Variants in SPG7 observed in about 807,000 individuals in gnomAD.
SPG7 encodes SPG7 matrix AAA peptidase subunit, paraplegin.
Under a neutral mutation model 81.9 loss-of-function variants are expected in SPG7, and 103 were observed. The ratio of observed to expected loss-of-function variants is 1.26; its 90% CI spans 1.07 to 1.48. SPG7 has a LOEUF of 1.48. Among genes scored for constraint, SPG7 ranks in the 40% most tolerant of loss-of-function variants. SPG7 has a pLI of 0.00. For missense variants in SPG7, 1,241 were observed against 1,087.3 expected (o/e 1.14, Z -1.99); for synonymous variants, 534 against 444.2 (o/e 1.20, Z -2.54).
intron 12 of SPG7, chr16:89,549,119 C>T (rs2058603439): frequency 2.2e-6 from 1 of 456,490 alleles, no homozygotes; most frequent in Admixed American, 2.3e-5. Flanking sequence ...CTGTGTCTTA[C>T]TGAAATTTAT....
At chr16:89,542,970 C>G (rs559470849) in intron 9 of SPG7, 1 of 102,210 alleles carries the variant, frequency 9.8e-6, no homozygotes, top group Non-Finnish European at 1.8e-5. Flanking sequence ...TTTTTTGAGA[C>G]GGAGTCTTGC....
chr16:89,540,813 G>A (rs1288749305), intron 9 of SPG7: 1 of 844,420 alleles, frequency 1.2e-6, no homozygotes, highest in East Asian at 1.2e-4. Context: ...CTCATCCCAG[G>A]AAAGCAAAGA....
At chr16:89,511,300 T>C (rs2058018888) in intron 2 of SPG7, among the ~76,000 whole-genome samples, 1 of 152,178 alleles carries the variant, frequency 6.6e-6, no homozygotes, top group Non-Finnish European at 1.5e-5. Flanking sequence ...ACCCTGCAAA[T>C]AATTTGCTCT....
At chr16:89,544,418 G>A in intron 9 of SPG7, 1 of 525,024 alleles carries the variant, frequency 1.9e-6, no homozygotes, top group Non-Finnish European at 3.5e-6. Context: ...GCCTTGGACA[G>A]TTCTGCTGTT....
chr16:89,550,570 G>A lies in SPG7; in HGVS notation c.1740G>A (p.Leu580=), dbSNP rs115658934. 9.1e-5 allele frequency: 147 copies of A among 1,614,010 alleles called. 1 individual carries two copies. The East Asian group carries it at 3.3e-3, about 36-fold the overall frequency. Residue 580 remains leucine, a synonymous_variant, in exon 13 of 17, where the codon TTG becomes TTA. Transcript: ENST00000645818. Reference sequence around the variant, plus strand: ...CGTTTCATGAGTCGGGCCACGCCTTGGTGGGCTGGATGCTGGAGCACACGG... The same window carrying A: ...CGTTTCATGAGTCGGGCCACGCCTTAGTGGGCTGGATGCTGGAGCACACGG... ...VVAFHESGHA[L]VGWMLEHTEA...
At position 89,557,028 on chromosome 16, in the gene SPG7, G is replaced by A. The variant is rs1293899912; in HGVS notation, c.2323G>A (p.Glu775Lys). ...CCAGAGGGAGAAACAGGACTTGGGC[G>A]AGGAGGAGACCGAAGAGACCCAGCA... ...DAQREKQDLG[E>K]EETEETQQPP... The change falls in exon 17 of 17, where the codon GAG (glutamate) becomes AAG (lysine). Residue 775 changes from glutamate to lysine, a missense_variant. Glu to Lys is a moderately conservative substitution (Grantham distance 56). Transcript: ENST00000645818. The A allele has an allele frequency of 6.8e-6, 11 of 1,613,254 alleles. No individual in the cohort carries two copies. Among genetic ancestry groups the A allele is most frequent in the East Asian group, 6.7e-5 (3 of 44,882 alleles).
Position 89,508,453 on chromosome 16 carries a change from C to T in SPG7, c.36C>T (p.Arg12=), listed in dbSNP as rs1230229317. ...TGCTGCTGCTGCTCCGTGCCCTCCG[C>T]CGGGGTCCAGGCCCGGGTCCTCGGC... ...AVLLLLLRAL[R]RGPGPGPRPL... The change falls in exon 1 of 17, where the codon CGC becomes CGT. Residue 12 remains arginine, a synonymous_variant. Coordinates refer to ENST00000645818, the MANE Select transcript of SPG7 (RefSeq NM_003119.4). 2 of 1,504,302 alleles carry T rather than the reference C, an allele frequency of 1.3e-6. No homozygotes were observed. The highest frequency in any genetic ancestry group is 2.7e-5 in the East Asian group (1 of 36,902). 93.2% of individuals were successfully genotyped at this position (1,504,302 alleles called of 1,614,324 possible).
chr16:89,514,333 T>C (rs1342767017), intron 3 of SPG7: 1 of 137,756 alleles, frequency 7.3e-6, no homozygotes, highest in African/African-American at 2.8e-5. Context: ...TTTTTTTTTT[T>C]TTTTTTTGCC....
chr16:89,510,568 C>A lies in SPG7; in HGVS notation c.262C>A (p.Pro88Thr). The change falls in exon 2 of 17, where the codon CCA (proline) becomes ACA (threonine). Residue 88 changes from proline (P) to threonine (T), a missense_variant. Transcript: ENST00000645818. ...LLLKQHLVQN[P>T]VRLWQLLGGT... is the part of the protein sequence containing the mutation. ...GTTGAAACAACATTTAGTTCAGAAT[C>A]CAGTCAGACTCTGGCAACTTTTAGG... 1 of 1,609,608 alleles carries A rather than the reference C, an allele frequency of 6.2e-7. No individual in the cohort carries two copies. Among genetic ancestry groups the A allele is most frequent in the Non-Finnish European group, 8.5e-7 (1 of 1,177,070 alleles).
chr16:89,523,666 C>T (rs1197612653), intron 3 of SPG7: 2 of 468,242 alleles, frequency 4.3e-6, no homozygotes, highest in South Asian at 3.1e-5. Flanking sequence ...ACTGCAGCTT[C>T]AACCTCCCGC....
chr16:89,529,665 C>T (rs904059997), intron 6 of SPG7, 86 bp downstream of exon 6: 9 of 978,892 alleles, frequency 9.2e-6, no homozygotes, highest in Non-Finnish European at 1.4e-5. Context: ...GATGAATACA[C>T]AGGGAAAACC....
chr16:89,512,928 C>T lies in SPG7; in HGVS notation c.287-20C>T. 2 of 1,611,538 alleles carry T rather than the reference C, an allele frequency of 1.2e-6. No homozygotes were observed. The highest frequency in any genetic ancestry group is 1.7e-6 in the Non-Finnish European group (2 of 1,178,398). On this transcript the variant is annotated intron_variant, in intron 2 of 16. Coordinates refer to ENST00000645818, the MANE Select transcript of SPG7 (RefSeq NM_003119.4). The stretch of plus-strand genomic sequence containing the variant: ...TGGTTGCAAAACTTAATTGTTAAAT[C>T]CTTTCTCTATTTCTCATAGGTGGTA...
Position 89,556,979 on chromosome 16 carries a change from C to T in SPG7, c.2274C>T (p.Ile758=), listed in dbSNP as rs147302322. The T allele has an allele frequency of 6.0e-5, 97 of 1,613,834 alleles. No homozygotes were observed. The African/African-American group carries it at 1.1e-3, about 19-fold the overall frequency. Residue 758 remains isoleucine, a synonymous_variant, in exon 17 of 17, where the codon ATC becomes ATT. Coordinates refer to ENST00000645818, the MANE Select transcript of SPG7 (RefSeq NM_003119.4). ...CGCCCCATGGGCCGAAGAAAATGAT[C>T]GCACCGCAGAGGTGGATCGACGCCC... ...GPPPHGPKKM[I]APQRWIDAQR...
intron 10 of SPG7, 83 bp from the exon 11 acceptor site, chr16:89,546,575 C>CA: frequency 1.1e-6 from 1 of 921,108 alleles, no homozygotes; most frequent in Non-Finnish European, 1.8e-6. Context: ...TTGGGGACCC[C>CA]CCCCCCCCAC....
chr16:89,508,690 C>G, intron 1 of SPG7, 90 bp downstream of exon 1: 1 of 1,309,118 alleles, frequency 7.6e-7, no homozygotes, highest in Non-Finnish European at 1.0e-6. Flanking sequence ...GCCGCCTGGC[C>G]CCTGCGGCGG....
chr16:89,516,557 CAT>C lies in SPG7; in HGVS notation c.376+3522_376+3523del, dbSNP rs575936340. 4.9e-4 allele frequency among the ~76,000 whole-genome samples: 75 copies of C among 151,752 alleles called. 2 individuals carry two copies. Among genetic ancestry groups the C allele is most frequent in the African/African-American group, 1.7e-3 (72 of 41,392 alleles). On this transcript the variant is annotated intron_variant, in intron 3 of 16. Coordinates refer to ENST00000645818, the MANE Select transcript of SPG7 (RefSeq NM_003119.4). ...TAGAGTGAGACCTTTCTGTCTCAAA[CAT>C]AAAAAATTAAGAAAGAAAAGGCCGG...
chr16:89,515,711 TATTA>T lies in SPG7; in HGVS notation c.376+2675_376+2678del, dbSNP rs1317308300. Among the ~76,000 whole-genome samples, 3 of 143,822 alleles carry T rather than the reference TATTA, an allele frequency of 2.1e-5. No individual in the cohort carries two copies. In the East Asian group the frequency reaches 6.0e-4, roughly 29 times the overall value. 94.4% of individuals were successfully genotyped at this position (143,822 alleles called of 152,430 possible). ...CTATTATTATTATTACTATTATTAT[TATTA>T]TTTTTTTTTTTGAGATGGGGTCTCG... On this transcript the variant is annotated intron_variant, in intron 3 of 16. Transcript: ENST00000645818.
intron 12 of SPG7, chr16:89,548,782 A>G: frequency 2.6e-6 from 1 of 378,750 alleles, no homozygotes; most frequent in Non-Finnish European, 5.4e-6. Context: ...GGCAACACCC[A>G]GACGTGATCA....
Position 89,509,092 on chromosome 16 carries a change from C to A in SPG7, c.183+492C>A, listed in dbSNP as rs375702316. On this transcript the variant is annotated intron_variant, in intron 1 of 16. Coordinates refer to ENST00000645818, the MANE Select transcript of SPG7 (RefSeq NM_003119.4). ...CATGTAGCTCGGCACGTTATTGATA[C>A]AGTCATTGAGCACCCCCTGTAGTGC... is the stretch of plus-strand genomic sequence containing the variant. 1,712 of 403,030 alleles carry A rather than the reference C, an allele frequency of 4.2e-3. 40 individuals carry two copies. Among genetic ancestry groups the A allele is most frequent in the South Asian group, 0.03 (1,653 of 55,236 alleles). 25.0% of individuals were successfully genotyped at this position (403,030 alleles called of 1,614,324 possible). A position where few individuals can be genotyped will look rare whatever the true frequency, so the allele number is the denominator to read the frequency against.
Sources: gnomAD v4.1 joint callset for allele counts (sites outside exome capture counted in the v4.1 genomes callset) on GRCh38, gnomAD v4.1.1 for gene constraint, MANE v1.5 for transcripts, NCBI Gene and HGNC (gene_info 2026-07-23, HGNC 2026-07-21) for gene names.